Variants in SLC25A27 observed in about 807,000 individuals in gnomAD.
SLC25A27 encodes mitochondrial uncoupling protein 4.
SLC25A27 carries 35 observed loss-of-function variants against 49.1 expected under a neutral mutation model. The observed-to-expected ratio is 0.71, with a 90% CI of 0.54 to 0.95. SLC25A27 has a LOEUF of 0.95. Ranked by LOEUF, SLC25A27 falls within the 40% of genes least tolerant of loss-of-function variation. The probability of loss-of-function intolerance (pLI) is 0.00; values close to 1 mark genes in which losing one functional copy is unlikely to be tolerated. For synonymous variants in SLC25A27, 144 were observed against 136.9 expected (o/e 1.05, Z -0.36); for missense variants, 339 against 397.1 (o/e 0.85, Z 1.24).
intron 2 of SLC25A27, among the ~76,000 whole-genome samples, chr6:46,657,217 C>G (rs756643879): frequency 2.6e-5 from 4 of 152,108 alleles, no homozygotes; most frequent in African/African-American, 9.7e-5. Flanking sequence ...TAATCCAGCA[C>G]TTTGGGAGGC....
intron 4 of SLC25A27, among the ~76,000 whole-genome samples, chr6:46,664,413 G>T (rs1763259969): frequency 6.6e-6 from 1 of 152,076 alleles, no homozygotes; most frequent in Admixed American, 6.5e-5. Flanking sequence ...TCCATCACCA[G>T]TAAAATTAAC....
intron 2 of SLC25A27, chr6:46,658,401 G>T: frequency 3.1e-6 from 1 of 318,826 alleles, no homozygotes; most frequent in Non-Finnish European, 6.2e-6. Flanking sequence ...TTTGTAGTTT[G>T]TTGTTCATTG....
intron 1 of SLC25A27, among the ~76,000 whole-genome samples, chr6:46,654,782 A>G (rs778185718): frequency 2.0e-5 from 3 of 152,198 alleles, no homozygotes; most frequent in Non-Finnish European, 4.4e-5. Flanking sequence ...GTTCTAGGGA[A>G]ACTGTCAGCA....
chr6:46,672,582 G>A (rs1244016048), intron 8 of SLC25A27, among the ~76,000 whole-genome samples: 1 of 152,102 alleles, frequency 6.6e-6, no homozygotes, highest in African/African-American at 2.4e-5. Flanking sequence ...TGGGAGAATG[G>A]TTGGAGAAGA....
At chr6:46,658,612 C>A in intron 2 of SLC25A27, 2 of 383,290 alleles carry the variant, frequency 5.2e-6, no homozygotes, top group Admixed American at 4.0e-5. Flanking sequence ...GAAAGATAAG[C>A]AAGAAGAGTT....
At chr6:46,666,503 A>G (rs550030760) in intron 5 of SLC25A27, among the ~76,000 whole-genome samples, 88 of 152,312 alleles carry the variant, frequency 5.8e-4, no homozygotes, top group Non-Finnish European at 1.0e-3. Flanking sequence ...AAGGAAGTCA[A>G]TCTGTTTTCA....
chr6:46,653,288 G>A lies in SLC25A27; in HGVS notation c.96G>A (p.Val32=), dbSNP rs549933013. 3 of 1,612,234 alleles carry A rather than the reference G, an allele frequency of 1.9e-6. No homozygotes were observed. Among genetic ancestry groups the A allele is most frequent in the South Asian group, 2.2e-5 (2 of 90,838 alleles). ...TACTGTCCGGCTGCGCGGCTACCGT[G>A]GCCGAGCTAGGTACCCGGCTGCCCA... ...KFLLSGCAAT[V]AELATFPLDL... Residue 32 remains valine, a synonymous_variant, in exon 1 of 9, where the codon GTG becomes GTA. Transcript: ENST00000371347.
At chr6:46,664,545 G>A (rs1406637426) in intron 4 of SLC25A27, among the ~76,000 whole-genome samples, 1 of 152,130 alleles carries the variant, frequency 6.6e-6, no homozygotes, top group Non-Finnish European at 1.5e-5. Flanking sequence ...AGTGTATAAA[G>A]ATTTTGATTA....
chr6:46,657,377 C>T (rs1196877403), intron 2 of SLC25A27, among the ~76,000 whole-genome samples: 1 of 152,030 alleles, frequency 6.6e-6, no homozygotes, highest in African/African-American at 2.4e-5. Flanking sequence ...GCAGGAAAAT[C>T]GCTTGAACCC....
chr6:46,674,698 AAC>A (rs138703220), intron 8 of SLC25A27, among the ~76,000 whole-genome samples: 3,166 of 152,256 alleles, frequency 0.021, 59 homozygotes, highest in Non-Finnish European at 0.033. Flanking sequence ...CACACTGCAC[AAC>A]ACATTTGGCA....
At chr6:46,670,749 T>G (rs1756371478) in intron 7 of SLC25A27, among the ~76,000 whole-genome samples, 1 of 152,162 alleles carries the variant, frequency 6.6e-6, no homozygotes, top group Admixed American at 6.5e-5. Flanking sequence ...TTTATTTATT[T>G]TTTTTGAGAC....
Position 46,676,789 on chromosome 6 carries a change from G to C in SLC25A27, c.*335G>C, listed in dbSNP as rs1763810821. Reference sequence around the variant, plus strand: ...TTCTATGCTGAAGAGCCTGCTTAGAGGAGGAGTACCAGGAGGGAGCCAGCA... The same window carrying C: ...TTCTATGCTGAAGAGCCTGCTTAGACGAGGAGTACCAGGAGGGAGCCAGCA... On this transcript the variant is annotated 3_prime_UTR_variant, in exon 9 of 9. Transcript: ENST00000371347. 1 of 1,032,944 alleles carries C rather than the reference G, an allele frequency of 9.7e-7. No individual in the cohort carries two copies. The highest frequency in any genetic ancestry group is 1.5e-6 in the Non-Finnish European group (1 of 679,230). 64.0% of individuals were successfully genotyped at this position (1,032,944 alleles called of 1,614,324 possible).
At chr6:46,666,092 C>T (rs927883005) in intron 5 of SLC25A27, among the ~76,000 whole-genome samples, 1 of 152,166 alleles carries the variant, frequency 6.6e-6, no homozygotes, top group African/African-American at 2.4e-5. Flanking sequence ...TCTGTATTTT[C>T]TGTCCTTTTC....
chr6:46,665,805 A>G (rs190234275), intron 5 of SLC25A27, among the ~76,000 whole-genome samples: 298 of 152,264 alleles, frequency 2.0e-3, no homozygotes, highest in African/African-American at 6.8e-3. Flanking sequence ...ACAGCCATCT[A>G]ACTTGTCTCC....
At chr6:46,666,541 T>C (rs1442563136) in intron 5 of SLC25A27, among the ~76,000 whole-genome samples, 1 of 152,192 alleles carries the variant, frequency 6.6e-6, no homozygotes, top group Non-Finnish European at 1.5e-5. Context: ...TGTCTGTGTC[T>C]ACTGTATATT....
chr6:46,657,190 G>A (rs964742227), intron 2 of SLC25A27, among the ~76,000 whole-genome samples: 2 of 152,160 alleles, frequency 1.3e-5, no homozygotes, highest in Non-Finnish European at 2.9e-5. Context: ...TGGGCCGGGT[G>A]CTGTGGCTCA....
At chr6:46,672,575 G>A (rs1378347401) in intron 8 of SLC25A27, among the ~76,000 whole-genome samples, 1 of 152,088 alleles carries the variant, frequency 6.6e-6, no homozygotes, top group African/African-American at 2.4e-5. Context: ...ATGGGGATGG[G>A]AGAATGGTTG....
At chr6:46,674,196 G>C (rs986222771) in intron 8 of SLC25A27, among the ~76,000 whole-genome samples, 37 of 151,652 alleles carry the variant, frequency 2.4e-4, no homozygotes, top group Admixed American at 2.1e-3. Context: ...TATAAATAAG[G>C]AAAAAAAGAG....
chr6:46,675,741 T>G lies in SLC25A27; in HGVS notation c.901-642T>G, dbSNP rs190906177. On this transcript the variant is annotated intron_variant, in intron 8 of 8. Transcript: ENST00000371347. ...GTTTACATCTTTAGCATTTATGTCCTCTTCTAACCCTTATTCTTTTATAAT... is the reference window on the plus strand; with the variant it reads ...GTTTACATCTTTAGCATTTATGTCCGCTTCTAACCCTTATTCTTTTATAAT... 1.0e-3 allele frequency among the ~76,000 whole-genome samples: 158 copies of G among 152,310 alleles called. 1 individual carries two copies. Among genetic ancestry groups the G allele is most frequent in the African/African-American group, 3.6e-3 (149 of 41,572 alleles).
Sources: allele counts gnomAD v4.1 joint callset (sites outside exome capture counted in the v4.1 genomes callset), GRCh38; gene constraint gnomAD v4.1.1; transcripts MANE v1.5; gene names NCBI Gene and HGNC (gene_info 2026-07-23, HGNC 2026-07-21).